Variants in ARHGAP6 observed in about 807,000 individuals in gnomAD.
ARHGAP6 encodes rho GTPase-activating protein 6.
Under a neutral mutation model 55.7 loss-of-function variants are expected in ARHGAP6, and 16 were observed. The observed-to-expected ratio is 0.29, with a 90% CI of 0.19 to 0.44. The LOEUF is 0.44. ARHGAP6 is among the 20% of genes least tolerant of loss of function. The probability of loss-of-function intolerance (pLI) is 1.00; values close to 1 mark genes in which losing one functional copy is unlikely to be tolerated. For missense variants in ARHGAP6, 698 were observed against 808.9 expected (o/e 0.86, Z 1.66); for synonymous variants, 382 against 360.9 (o/e 1.06, Z -0.66).
At chrX:11,298,615 A>G in intron 1 of ARHGAP6, 1 of 1,209,965 alleles carries the variant, frequency 8.3e-7, no homozygotes, top group South Asian at 1.8e-5. Context: ...GTGCTGTCCC[A>G]ACAGCACCCC....
chrX:11,529,561 T>C (rs1244668646), intron 1 of ARHGAP6, among the ~76,000 whole-genome samples: 3 of 111,618 alleles, frequency 2.7e-5, no homozygotes, highest in East Asian at 2.8e-4. Flanking sequence ...TATCTAAGAA[T>C]TGGCACTGGT....
At chrX:11,254,029 C>T (rs1197889828) in intron 2 of ARHGAP6, among the ~76,000 whole-genome samples, 1 of 111,270 alleles carries the variant, frequency 9.0e-6, no homozygotes, top group East Asian at 2.8e-4. Context: ...AAAAAACAAA[C>T]ATCAGCCAAT....
At chrX:11,262,966 C>A (rs376988227) in intron 1 of ARHGAP6, among the ~76,000 whole-genome samples, 27 of 110,968 alleles carry the variant, frequency 2.4e-4, no homozygotes, top group African/African-American at 8.5e-4. Context: ...CCCACAAGAC[C>A]TGAATAAATG....
At chrX:11,419,440 G>A (rs1416146451) in intron 1 of ARHGAP6, among the ~76,000 whole-genome samples, 1 of 112,264 alleles carries the variant, frequency 8.9e-6, no homozygotes, top group Non-Finnish European at 1.9e-5. Context: ...TCAGACCATC[G>A]AAATGGCATC....
intron 1 of ARHGAP6, among the ~76,000 whole-genome samples, chrX:11,488,392 A>G (rs1480512348): frequency 8.9e-6 from 1 of 112,181 alleles, no homozygotes; most frequent in East Asian, 2.8e-4. Flanking sequence ...TCCTTATACC[A>G]TTACTTCGAC....
intron 1 of ARHGAP6, among the ~76,000 whole-genome samples, chrX:11,552,932 T>G (rs1218683159): frequency 9.1e-6 from 1 of 109,432 alleles, no homozygotes; most frequent in Non-Finnish European, 1.9e-5. Context: ...TTAATAACAG[T>G]GTATTGTACA....
chrX:11,252,251 T>C (rs1225480174), intron 2 of ARHGAP6, among the ~76,000 whole-genome samples: 1 of 112,989 alleles, frequency 8.9e-6, no homozygotes, highest in Non-Finnish European at 1.9e-5. Flanking sequence ...TCTTATCTGA[T>C]GTGCATTCAA....
chrX:11,643,539 C>T (rs770024700), intron 1 of ARHGAP6, among the ~76,000 whole-genome samples: 1 of 112,077 alleles, frequency 8.9e-6, no homozygotes, highest in Non-Finnish European at 1.9e-5. Flanking sequence ...TTTAAATTCA[C>T]TCAGAGATAT....
intron 1 of ARHGAP6, among the ~76,000 whole-genome samples, chrX:11,446,915 TA>T (rs1367042896): frequency 1.8e-5 from 2 of 111,771 alleles, no homozygotes; most frequent in Non-Finnish European, 3.8e-5. Context: ...ATTTTACTAT[TA>T]AAAAAAGTGC....
rs143756157 is a variant in ARHGAP6, at chrX:11,490,767, T to C, written c.588+173474A>G. Among the ~76,000 whole-genome samples, 605 of 112,281 alleles carry C rather than the reference T, an allele frequency of 5.4e-3. 3 individuals carry two copies. The highest frequency in any genetic ancestry group is 0.019 in the African/African-American group (576 of 30,931). Reference sequence around the variant, plus strand: ...CAATTATTACCAGCTTTATACATTTTCTTGTCACTTTTCAAATAATGGGTG... The same window carrying C: ...CAATTATTACCAGCTTTATACATTTCCTTGTCACTTTTCAAATAATGGGTG... On this transcript the variant is annotated intron_variant, in intron 1 of 12. Transcript: ENST00000337414.
At chrX:11,272,844 C>T (rs1400743539) in intron 1 of ARHGAP6, among the ~76,000 whole-genome samples, 1 of 111,928 alleles carries the variant, frequency 8.9e-6, no homozygotes, top group Non-Finnish European at 1.9e-5. Flanking sequence ...GTTCATTTTG[C>T]CACTGTTTCA....
intron 1 of ARHGAP6, among the ~76,000 whole-genome samples, chrX:11,420,082 A>T (rs2049801035): frequency 8.9e-6 from 1 of 112,091 alleles, no homozygotes; most frequent in Non-Finnish European, 1.9e-5. Context: ...GAAGTGGAAG[A>T]GTCTTCAGTA....
chrX:11,350,602 A>C (rs1384978559), intron 1 of ARHGAP6, among the ~76,000 whole-genome samples: 1 of 112,452 alleles, frequency 8.9e-6, no homozygotes, highest in Admixed American at 9.4e-5. Flanking sequence ...GTTGATTTAC[A>C]CTTTAAAATT....
chrX:11,471,328 C>T (rs1304035213), intron 1 of ARHGAP6, among the ~76,000 whole-genome samples: 1 of 111,848 alleles, frequency 8.9e-6, no homozygotes, highest in East Asian at 2.8e-4. Flanking sequence ...CAACAGTATT[C>T]TTCTTAAAAA....
At chrX:11,186,469 T>C (rs758831824) in intron 4 of ARHGAP6, 38 bp from the exon 5 acceptor site, 5 of 1,140,793 alleles carry the variant, frequency 4.4e-6, no homozygotes, top group Non-Finnish European at 5.9e-6. Flanking sequence ...AAAGTACAGA[T>C]AGCCAAAAAA....
intron 1 of ARHGAP6, chrX:11,367,832 T>A: frequency 1.3e-6 from 1 of 750,092 alleles, no homozygotes; most frequent in Non-Finnish European, 1.6e-6. Flanking sequence ...CTTCTCCAGA[T>A]GAAGGAAACA....
chrX:11,266,098 TGA>T (rs768420445), intron 1 of ARHGAP6: 398 of 204,766 alleles, frequency 1.9e-3, no homozygotes, highest in Non-Finnish European at 2.2e-3. Context: ...AGAGAGAGGG[TGA>T]GAGAGAGAGA....
At chrX:11,355,999 G>C (rs984322431) in intron 1 of ARHGAP6, among the ~76,000 whole-genome samples, 1 of 111,664 alleles carries the variant, frequency 9.0e-6, no homozygotes, top group East Asian at 2.8e-4. Context: ...AGCTGCCCAA[G>C]TGCCCTATGG....
In ARHGAP6 at chrX:11,177,062, G is replaced by T. The variant is rs746297595; in HGVS notation, c.1629+1038C>A. Among the ~76,000 whole-genome samples, 42 of 112,010 alleles carry T rather than the reference G, an allele frequency of 3.7e-4. No homozygotes were observed. In the South Asian group the frequency reaches 0.015, roughly 41 times the overall value. ...TTGTTTAACAAGAATTTACAAAAAAGTTTCTGTGGTTAAGTAAGTTTGGAA... is the reference window on the plus strand; with the variant it reads ...TTGTTTAACAAGAATTTACAAAAAATTTTCTGTGGTTAAGTAAGTTTGGAA... On this transcript the variant is annotated intron_variant, in intron 8 of 12. Transcript: ENST00000337414.
Sources: allele counts gnomAD v4.1 joint callset (sites outside exome capture counted in the v4.1 genomes callset), GRCh38; gene constraint gnomAD v4.1.1; transcripts MANE v1.5; gene names NCBI Gene and HGNC (gene_info 2026-07-23, HGNC 2026-07-21).